NRG4: variants seen among roughly 807,000 people sequenced by gnomAD.
NRG4 encodes the protein neuregulin 4.
A neutral mutation model predicts 15.0 loss-of-function variants in NRG4; 10 were observed. That is an observed-to-expected ratio of 0.67 (90% CI 0.41 to 1.13). The LOEUF (loss-of-function observed/expected upper bound fraction) is 1.13. Among genes scored for constraint, NRG4 ranks in the 50% most tolerant of loss-of-function variants. The pLI is 0.00. For missense variants in NRG4, 139 were observed against 140.2 expected (o/e 0.99, Z 0.04); for synonymous variants, 41 against 50.1 (o/e 0.82, Z 0.77).
At chr15:75,969,068 A>C in intron 3 of NRG4, 1 of 379,290 alleles carries the variant, frequency 2.6e-6, no homozygotes, top group Non-Finnish European at 5.3e-6. Context: ...ACACTCTTAA[A>C]TCACCAGACA....
intron 5 of NRG4, among the ~76,000 whole-genome samples, chr15:76,035,566 A>G (rs2035579436): frequency 6.6e-6 from 1 of 151,654 alleles, no homozygotes. Flanking sequence ...ACTCGGTAAC[A>G]GAAGTGAAAA....
downstream of NRG4, chr15:75,937,202 TATCAA>T (rs1407210993): frequency 6.7e-6 from 1 of 150,176 alleles, no homozygotes; most frequent in Non-Finnish European, 1.5e-5. Flanking sequence ...TTTGTTTGCC[TATCAA>T]AACATTAAAA....
intron 5 of NRG4, among the ~76,000 whole-genome samples, chr15:75,953,937 T>C (rs1430967136): frequency 6.6e-6 from 1 of 152,208 alleles, no homozygotes; most frequent in Non-Finnish European, 1.5e-5. Flanking sequence ...TCCTCCTGCC[T>C]CAGCCTCCCA....
At position 75,943,333 on chromosome 15, in the gene NRG4, C is replaced by A; in HGVS notation, c.*305G>T. 2.7e-6 allele frequency: 1 copy of A among 365,442 alleles called. No homozygotes were observed. Among genetic ancestry groups the A allele is most frequent in the Non-Finnish European group, 4.9e-6 (1 of 203,504 alleles). 22.6% of individuals were successfully genotyped at this position (365,442 alleles called of 1,614,324 possible). ...TTCATATATCCCTTAGGGTTTCTCT[C>A]TAGGTGTGTGAACATTTGCCTCTGG... On this transcript the variant is annotated 3_prime_UTR_variant, in exon 6 of 6. Coordinates refer to ENST00000394907, the MANE Select transcript of NRG4 (RefSeq NM_138573.4).
chr15:75,966,073 A>C (rs2032778838), intron 3 of NRG4, among the ~76,000 whole-genome samples: 1 of 152,268 alleles, frequency 6.6e-6, no homozygotes, highest in African/African-American at 2.4e-5. Context: ...TCTGAAATTC[A>C]GAATCTAAGT....
At chr15:76,032,615 A>G (rs1039425077) in intron 5 of NRG4, among the ~76,000 whole-genome samples, 2 of 152,204 alleles carry the variant, frequency 1.3e-5, no homozygotes, top group African/African-American at 4.8e-5. Flanking sequence ...ACATCCACAG[A>G]AAAATATCTA....
intron 4 of NRG4, among the ~76,000 whole-genome samples, chr15:76,043,642 CA>C (rs2035798233): frequency 6.6e-6 from 1 of 152,058 alleles, no homozygotes; most frequent in African/African-American, 2.4e-5. Flanking sequence ...TTGAAAAAGA[CA>C]CAAAAAATGG....
intron 4 of NRG4, among the ~76,000 whole-genome samples, chr15:76,038,363 G>A (rs181989308): frequency 2.0e-5 from 3 of 152,318 alleles, no homozygotes; most frequent in African/African-American, 7.2e-5. Flanking sequence ...ACATGGCCTG[G>A]GCCAGAGGGG....
chr15:75,989,238 T>C (rs1420668105), intron 3 of NRG4, among the ~76,000 whole-genome samples: 1 of 152,224 alleles, frequency 6.6e-6, no homozygotes, highest in East Asian at 1.9e-4. Context: ...ATGCAAAGAA[T>C]GTTGTATTTC....
rs1272563895 is a variant in NRG4 at position 75,977,533 on chromosome 15, C to T, written c.105-15559G>A. 6.6e-6 allele frequency among the ~76,000 whole-genome samples: 1 copy of T among 152,240 alleles called. No homozygotes were observed. The highest frequency in any genetic ancestry group is 6.5e-5 in the Admixed American group (1 of 15,282). ...ATCTGGGCCAGAATGCACCATTCCT[C>T]ACAGTCCCTTGGCACTTCCCTTGGC... On this transcript the variant is annotated intron_variant, in intron 3 of 5. Transcript: ENST00000394907. The surrounding 1 kb of genome is among the most constrained non-coding windows in gnomAD (Gnocchi z 4.9).
chr15:76,025,611 A>T (rs2035292712), intron 5 of NRG4, among the ~76,000 whole-genome samples: 1 of 152,078 alleles, frequency 6.6e-6, no homozygotes, highest in African/African-American at 2.4e-5. Flanking sequence ...ACAATGGCTG[A>T]CTCCTATAAT....
At chr15:75,963,117 C>G (rs2032612838) in intron 3 of NRG4, among the ~76,000 whole-genome samples, 1 of 152,084 alleles carries the variant, frequency 6.6e-6, no homozygotes, top group Non-Finnish European at 1.5e-5. Context: ...AAAAGAACAT[C>G]AAGATATAGC....
chr15:75,950,468 C>A, intron 5 of NRG4: 1 of 230,432 alleles, frequency 4.3e-6, no homozygotes, highest in South Asian at 7.9e-5. Context: ...TCCCTCTGGT[C>A]AGTGGAGTCA....
At chr15:75,995,523 C>G (rs990673335) in intron 3 of NRG4, among the ~76,000 whole-genome samples, 134 of 152,178 alleles carry the variant, frequency 8.8e-4, no homozygotes, top group African/African-American at 3.1e-3. Flanking sequence ...CCCCCCCGCC[C>G]CAAACACTAG....
chr15:75,947,488 T>G (rs1191717255), intron 5 of NRG4, among the ~76,000 whole-genome samples: 1 of 152,224 alleles, frequency 6.6e-6, no homozygotes, highest in Admixed American at 6.5e-5. Context: ...TTCTTTCTCC[T>G]TTGCAATAAT....
At chr15:76,034,369 G>A (rs2035550149) in intron 5 of NRG4, among the ~76,000 whole-genome samples, 1 of 152,226 alleles carries the variant, frequency 6.6e-6, no homozygotes, top group Non-Finnish European at 1.5e-5. Flanking sequence ...TTGGCAGGCA[G>A]TAAAGTAAAT....
chr15:76,037,580 T>C (rs2035623903), intron 4 of NRG4, among the ~76,000 whole-genome samples: 3 of 152,184 alleles, frequency 2.0e-5, no homozygotes, highest in Admixed American at 6.5e-5. Flanking sequence ...CATTGTGGGC[T>C]GAAGTGCTCT....
chr15:76,041,509 G>A (rs895017205), intron 4 of NRG4, among the ~76,000 whole-genome samples: 3 of 151,950 alleles, frequency 2.0e-5, no homozygotes, highest in African/African-American at 7.2e-5. Flanking sequence ...CATACCAACA[G>A]AAACCAAAAA....
At chr15:75,979,633 AC>A (rs2033524096) in intron 3 of NRG4, among the ~76,000 whole-genome samples, 1 of 152,166 alleles carries the variant, frequency 6.6e-6, no homozygotes, top group Non-Finnish European at 1.5e-5. Context: ...AATGTTGTAA[AC>A]AATGATCATT....
Sources: allele counts gnomAD v4.1 joint callset (sites outside exome capture counted in the v4.1 genomes callset), GRCh38; gene constraint gnomAD v4.1.1; non-coding constraint Gnocchi (gnomAD v3.1); transcripts MANE v1.5; gene names NCBI Gene and HGNC (gene_info 2026-07-23, HGNC 2026-07-21).